The following CLVS1 variants were observed in gnomAD, a reference collection of about 807,000 sequenced individuals.
CLVS1 encodes clavesin 1.
CLVS1 carries 10 observed loss-of-function variants against 33.1 expected under a neutral mutation model. The observed-to-expected ratio is 0.30, with a 90% CI of 0.19 to 0.51. CLVS1 has a LOEUF of 0.51. Among genes scored for constraint, CLVS1 ranks in the 20% least tolerant of loss-of-function variants. The pLI, the probability that CLVS1 is intolerant of heterozygous loss-of-function variation, is 0.97. For synonymous variants in CLVS1, 163 were observed against 166.1 expected, an observed-to-expected ratio of 0.98 and a Z score of 0.14; for missense variants, 343 against 433.4, an observed-to-expected ratio of 0.79 and a Z score of 1.85.
intron 2 of CLVS1, among the ~76,000 whole-genome samples, chr8:61,164,233 C>T (rs1013006597): frequency 3.9e-5 from 6 of 152,240 alleles, no homozygotes; most frequent in South Asian, 2.1e-4. Context: ...AATTCTTAGT[C>T]GGCCTAGGAA....
At chr8:61,115,250 T>C (rs1311723638) in intron 1 of CLVS1, among the ~76,000 whole-genome samples, 1 of 152,204 alleles carries the variant, frequency 6.6e-6, no homozygotes, top group Non-Finnish European at 1.5e-5. Flanking sequence ...CTCACTGTTA[T>C]TGTGAAACAA....
At chr8:61,208,111 CAA>C (rs60251231) in intron 2 of CLVS1, among the ~76,000 whole-genome samples, 24,229 of 152,178 alleles carry the variant, frequency 0.16, 2,326 homozygotes, top group Admixed American at 0.25. Flanking sequence ...AGTGAAAATG[CAA>C]AGTCAGAAAA....
In CLVS1 at chr8:61,134,850, G is replaced by A. The variant is rs150252831; in HGVS notation, c.-152+2990G>A. ...TCCCCTCTGCTATGTAACACAACTC[G>A]ATTACAAGTTCTGGAAATTAGGACA... On this transcript the variant is annotated intron_variant, in intron 2 of 2. Coordinates refer to the CLVS1 transcript ENST00000522621. Among the ~76,000 whole-genome samples, 320 of 152,142 alleles carry A rather than the reference G, an allele frequency of 2.1e-3. 3 individuals carry two copies. Among genetic ancestry groups the A allele is most frequent in the African/African-American group, 6.1e-3 (254 of 41,484 alleles).
chr8:61,357,489 C>CTTTTATTTTTTTTTTTTTTT (rs1462908906), intron 2 of CLVS1, among the ~76,000 whole-genome samples: 5 of 30,268 alleles, frequency 1.7e-4, no homozygotes, highest in Admixed American at 1.1e-3. Flanking sequence ...TTTCCTTTTT[C>CTTTTATTTTTTTTTTTTTTT]TTTTCTTTTT....
intron 3 of CLVS1, among the ~76,000 whole-genome samples, chr8:61,449,981 T>C (rs149369993): frequency 2.1e-4 from 32 of 152,334 alleles, no homozygotes; most frequent in African/African-American, 6.3e-4. Context: ...TGAAATACAC[T>C]TGGGACCTTC....
rs572364015 is a variant in CLVS1 at position 61,496,177 on chromosome 8, T to G, written c.978-3278T>G. Among the ~76,000 whole-genome samples, 6 of 152,324 alleles carry G rather than the reference T, an allele frequency of 3.9e-5. No homozygotes were observed. The East Asian group carries it at 1.2e-3, about 29-fold the overall frequency. On this transcript the variant is annotated intron_variant, in intron 5 of 5. Coordinates refer to ENST00000325897, the MANE Select transcript of CLVS1 (RefSeq NM_173519.3). ...TCAGGTTGGTCTAGATGAGTCACTG[T>G]TTCCCTCTAACTCTGTGGCTGTGGT...
chr8:61,123,511 C>G (rs1805915709), intron 1 of CLVS1, among the ~76,000 whole-genome samples: 2 of 152,124 alleles, frequency 1.3e-5, no homozygotes, highest in South Asian at 4.1e-4. Context: ...TCCAAATTTT[C>G]CTTTTAATCA....
At chr8:60,978,382 G>T in the CLVS1 span, among the ~76,000 whole-genome samples, 1 of 152,134 alleles carries the variant, frequency 6.6e-6, no homozygotes, top group Admixed American at 6.6e-5. Context: ...TAATCTGTGA[G>T]AAAAACAATA....
intron 2 of CLVS1, among the ~76,000 whole-genome samples, chr8:61,335,629 A>G (rs1463149328): frequency 6.6e-6 from 1 of 152,206 alleles, no homozygotes; most frequent in East Asian, 1.9e-4. Context: ...GTAGGAGTCT[A>G]TTTGTAAACA....
chr8:61,420,739 C>T (rs1008102605), intron 3 of CLVS1, among the ~76,000 whole-genome samples: 15 of 152,092 alleles, frequency 9.9e-5, no homozygotes, highest in African/African-American at 3.4e-4. Context: ...TAGGCTGAGG[C>T]GGGCGGATCA....
intron 1 of CLVS1, among the ~76,000 whole-genome samples, chr8:61,104,626 A>G (rs1805503402): frequency 6.6e-6 from 1 of 152,190 alleles, no homozygotes; most frequent in Admixed American, 6.5e-5. Flanking sequence ...TCAAAAGCAT[A>G]TGGGTTTTTT....
At chr8:60,986,678 A>T in the CLVS1 span, among the ~76,000 whole-genome samples, 1 of 152,232 alleles carries the variant, frequency 6.6e-6, no homozygotes, top group Non-Finnish European at 1.5e-5. Context: ...AACATGGTAA[A>T]CATTACTCCC....
intron 2 of CLVS1, among the ~76,000 whole-genome samples, chr8:61,136,711 G>C (rs1395155432): frequency 3.3e-5 from 5 of 152,160 alleles, no homozygotes; most frequent in Admixed American, 6.5e-5. Context: ...AGGAGGGAGA[G>C]GATCAGGAAA....
intron 2 of CLVS1, among the ~76,000 whole-genome samples, chr8:61,142,576 T>A (rs1437009136): frequency 1.3e-5 from 2 of 152,200 alleles, no homozygotes; most frequent in Non-Finnish European, 2.9e-5. Context: ...ATAAAGCATA[T>A]CAAGTTGAGG....
intron 2 of CLVS1, among the ~76,000 whole-genome samples, chr8:61,257,297 C>T (rs369177703): frequency 9.2e-5 from 14 of 152,308 alleles, no homozygotes; most frequent in East Asian, 3.9e-4. Flanking sequence ...AAACTGATGA[C>T]GTTCAGGCCT....
chr8:61,135,739 G>A (rs896123763), intron 2 of CLVS1, among the ~76,000 whole-genome samples: 2 of 152,304 alleles, frequency 1.3e-5, no homozygotes, highest in Admixed American at 6.5e-5. Flanking sequence ...TCTGATCTGG[G>A]GGTCTTTAGC....
chr8:61,426,975 G>C (rs943482602), intron 3 of CLVS1, among the ~76,000 whole-genome samples: 5 of 152,182 alleles, frequency 3.3e-5, no homozygotes, highest in Non-Finnish European at 7.3e-5. Context: ...TTGAAACAAT[G>C]AGAGAGCAAA....
intron 2 of CLVS1, among the ~76,000 whole-genome samples, chr8:61,240,131 G>A (rs1046887896): frequency 6.6e-6 from 1 of 152,212 alleles, no homozygotes; most frequent in Non-Finnish European, 1.5e-5. Flanking sequence ...ATGAGAGGTA[G>A]AGATGAGATT....
intron 2 of CLVS1, among the ~76,000 whole-genome samples, chr8:61,167,341 G>A (rs1288102084): frequency 6.6e-6 from 1 of 151,822 alleles, no homozygotes; most frequent in Non-Finnish European, 1.5e-5. Flanking sequence ...ACCAGGCTCG[G>A]ATAATTTTTT....
Sources: allele counts gnomAD v4.1 joint callset (sites outside exome capture counted in the v4.1 genomes callset), GRCh38; gene constraint gnomAD v4.1.1; transcripts MANE v1.5; gene names NCBI Gene and HGNC (gene_info 2026-07-23, HGNC 2026-07-21).